The following EML5 variants were observed in gnomAD, a reference collection of about 807,000 sequenced individuals.
EML5 encodes the protein EMAP like 5, also known as echinoderm microtubule-associated protein-like 5.
A neutral mutation model predicts 250.0 loss-of-function variants in EML5; 120 were observed. That is an observed-to-expected ratio of 0.48 (90% CI 0.41 to 0.56). The LOEUF (loss-of-function observed/expected upper bound fraction) is 0.56, where lower values mean the gene tolerates loss of function less well. Ranked by LOEUF, EML5 falls within the 20% of genes least tolerant of loss-of-function variation. EML5 has a pLI of 0.00. For missense variants in EML5, 2,006 were observed against 2,437.6 expected, an observed-to-expected ratio of 0.82 and a Z score of 3.73; for synonymous variants, 771 against 806.5, an observed-to-expected ratio of 0.96 and a Z score of 0.75.
At chr14:88,726,406 TAAG>T (rs2093667166) in intron 8 of EML5, 132 bp downstream of exon 8, 2 of 534,026 alleles carry the variant, frequency 3.7e-6, no homozygotes, top group Non-Finnish European at 2.9e-6. Context: ...AATATATTAA[TAAG>T]AAGGGGAAGA....
rs2087087778 is a variant in EML5 at position 88,613,218 on chromosome 14, C to CTGT, written c.*2599_*2600insACA. 6.6e-6 allele frequency: 1 copy of CTGT among 152,168 alleles called. No individual in the cohort carries two copies. Among genetic ancestry groups the CTGT allele is most frequent in the Admixed American group, 6.5e-5 (1 of 15,276 alleles). 9.4% of individuals were successfully genotyped at this position (152,168 alleles called of 1,614,324 possible). A position where few individuals can be genotyped will look rare whatever the true frequency, so the allele number is the denominator to read the frequency against. ...CACGAGAAGCAGCAAAGACAGAGCA[C>CTGT]ACAAGTGCATAAGGCTGTTGTCTTC... On this transcript the variant is annotated 3_prime_UTR_variant, in exon 44 of 44. Coordinates refer to ENST00000554922, the MANE Select transcript of EML5 (RefSeq NM_183387.3).
intron 43 of EML5, 66 bp downstream of exon 43, chr14:88,616,076 G>A: frequency 1.3e-6 from 2 of 1,526,472 alleles, no homozygotes; most frequent in Non-Finnish European, 1.8e-6. Flanking sequence ...AGCTGTAGGA[G>A]TTGTTGTATT....
In EML5 at chr14:88,695,361, C is replaced by T. The variant is rs2093053440; in HGVS notation, c.2438G>A (p.Arg813Lys). Residue 813 changes from arginine (R) to lysine (K), a missense_variant and splice_region_variant, in exon 16 of 44, where the codon AGA (arginine) becomes AAA (lysine). Physicochemically the swap from Arg to Lys is conservative, Grantham distance 26. Transcript: ENST00000554922. ...ATGTGATATCAAGTTTTTTTCCTAC[C>T]TTGCTATTGAAAGTTTCTCTCCTTT... is the stretch of plus-strand genomic sequence containing the variant. ...WKKGEKLSIA[R>K]GSKDKIFVVK... 2.5e-6 allele frequency: 4 copies of T among 1,604,942 alleles called. No homozygotes were observed. The highest frequency in any genetic ancestry group is 2.6e-6 in the Non-Finnish European group (3 of 1,176,328).
intron 31 of EML5, among the ~76,000 whole-genome samples, chr14:88,642,178 T>C (rs2091100586): frequency 6.6e-6 from 1 of 152,192 alleles, no homozygotes; most frequent in African/African-American, 2.4e-5. Flanking sequence ...CAGAATGAAC[T>C]AGATAACCTT....
chr14:88,682,655 A>G (rs1829919213), intron 20 of EML5, among the ~76,000 whole-genome samples: 1 of 152,082 alleles, frequency 6.6e-6, no homozygotes, highest in South Asian at 2.1e-4. Flanking sequence ...CTTTCCAGGT[A>G]GGGCAGGATG....
intron 28 of EML5, among the ~76,000 whole-genome samples, chr14:88,647,434 C>T (rs181347674): frequency 9.2e-5 from 14 of 151,712 alleles, no homozygotes; most frequent in Non-Finnish European, 1.5e-4. Context: ...CAGTGGCTCA[C>T]ACCTGTAATC....
intron 33 of EML5, among the ~76,000 whole-genome samples, chr14:88,632,940 A>C (rs931021766): frequency 2.0e-5 from 3 of 152,174 alleles, no homozygotes; most frequent in African/African-American, 7.2e-5. Context: ...CCCTGGCATG[A>C]GGGTGTTGGA....
chr14:88,641,969 A>G (rs1333710683), intron 31 of EML5, among the ~76,000 whole-genome samples: 1 of 152,182 alleles, frequency 6.6e-6, no homozygotes, highest in African/African-American at 2.4e-5. Flanking sequence ...TTTCTCTCTA[A>G]TCAGTATGTT....
chr14:88,618,783 A>G lies in EML5; in HGVS notation c.5405T>C (p.Val1802Ala). ...RFSPDSRYLA[V>A]GSSENSVDFY... ...ATCCACTGAGTTCTCACTAGAACCT[A>G]CTGCCAGATACCGGGAATCCGGACT... Residue 1802 changes from valine (V) to alanine (A), a missense_variant, in exon 40 of 44, where the codon GTA becomes GCA. This residue lies in a region of EML5 where 405 missense variants were observed against 523.3 expected (regional missense o/e 0.77). Transcript: ENST00000554922. 6.3e-7 allele frequency: 1 copy of G among 1,595,826 alleles called. No individual in the cohort carries two copies. The highest frequency in any genetic ancestry group is 8.5e-7 in the Non-Finnish European group (1 of 1,169,884).
At position 88,706,382 on chromosome 14, in the gene EML5, T is replaced by A. The variant is rs1194599766; in HGVS notation, c.1702A>T (p.Asn568Tyr). Reference sequence around the variant, plus strand: ...TGATAATCATGTGACCATCTGACATTAGTTACGTGAGCTGAATGGCCAATA... The same window carrying A: ...TGATAATCATGTGACCATCTGACATAAGTTACGTGAGCTGAATGGCCAATA... ...KYIGHSAHVT[N>Y]VRWSHDYQWV... Residue 568 changes from asparagine to tyrosine, a missense_variant, in exon 11 of 44, where the codon AAT (asparagine) becomes TAT (tyrosine). Around this residue, in one of 7 missense-constraint regions of EML5, gnomAD observed 1,375 missense variants for 1,590.3 expected, o/e 0.86. Transcript: ENST00000554922. The A allele has an allele frequency of 6.2e-7, 1 of 1,607,392 alleles. No individual in the cohort carries two copies. The highest frequency in any genetic ancestry group is 1.1e-5 in the South Asian group (1 of 89,370).
At chr14:88,785,310 CAT>C (rs2094540699) in intron 1 of EML5, among the ~76,000 whole-genome samples, 1 of 152,056 alleles carries the variant, frequency 6.6e-6, no homozygotes, top group Non-Finnish European at 1.5e-5. Flanking sequence ...TTTAATTGTA[CAT>C]TTTAGAATAA....
At position 88,635,712 on chromosome 14, in the gene EML5, G is replaced by A. The variant is rs945763638; in HGVS notation, c.4337-1223C>T. Among the ~76,000 whole-genome samples, 4 of 152,240 alleles carry A rather than the reference G, an allele frequency of 2.6e-5. No homozygotes were observed. The East Asian group carries it at 7.7e-4, about 29-fold the overall frequency. On this transcript the variant is annotated intron_variant, in intron 32 of 43. Transcript: ENST00000554922. ...TCCCACACCACAAAGAACCATGGAA[G>A]CTCATGTGTGGTGCTATGAACTGGA... is the stretch of plus-strand genomic sequence containing the variant.
At chr14:88,628,192 AAT>A (rs1468088704) in intron 33 of EML5, among the ~76,000 whole-genome samples, 37 of 152,174 alleles carry the variant, frequency 2.4e-4, no homozygotes, top group Non-Finnish European at 4.1e-4. Context: ...TTAAACAATA[AAT>A]ATTAAACACC....
At chr14:88,704,509 AAG>A (rs377450270) in intron 13 of EML5, among the ~76,000 whole-genome samples, 3 of 152,192 alleles carry the variant, frequency 2.0e-5, no homozygotes, top group African/African-American at 7.2e-5. Flanking sequence ...GACAGAAAAA[AAG>A]AGACACAGAG....
chr14:88,709,750 T>C (rs2093373844), intron 10 of EML5, among the ~76,000 whole-genome samples: 1 of 152,186 alleles, frequency 6.6e-6, no homozygotes, highest in South Asian at 2.1e-4. Flanking sequence ...TATCAAAAGA[T>C]GGGAAATGAC....
At position 88,638,855 on chromosome 14, in the gene EML5, T is replaced by C. The variant is rs1191598420; in HGVS notation, c.4290A>G (p.Val1430=). ...TGTTGATAAATTTGGGGTGCTGGTT[T>C]ACTGTGAGGCACAGAATATCATCAT... ...EHNDDILCLT[V]NQHPKFINIV... is the part of the protein sequence containing the mutation. Residue 1430 remains valine (V), a synonymous_variant, in exon 32 of 44, where the codon GTA becomes GTG. Transcript: ENST00000554922. 6.3e-7 allele frequency: 1 copy of C among 1,599,454 alleles called. No individual in the cohort carries two copies. The highest frequency in any genetic ancestry group is 8.5e-7 in the Non-Finnish European group (1 of 1,172,532).
At chr14:88,631,566 C>T (rs11844824) in intron 33 of EML5, among the ~76,000 whole-genome samples, 1 of 152,104 alleles carries the variant, frequency 6.6e-6, no homozygotes, top group Admixed American at 6.5e-5. Flanking sequence ...GTCAGGAGTT[C>T]GAGACCAGCC....
At chr14:88,644,532 G>A in intron 29 of EML5, 21 bp from the exon 30 acceptor site, 7 of 1,612,030 alleles carry the variant, frequency 4.3e-6, no homozygotes, top group South Asian at 1.1e-5. Flanking sequence ...GAAGTGGGGA[G>A]GAGGAAAGGC....
At chr14:88,696,079 C>A (rs2093071235) in intron 15 of EML5, among the ~76,000 whole-genome samples, 1 of 151,818 alleles carries the variant, frequency 6.6e-6, no homozygotes, top group Non-Finnish European at 1.5e-5. Flanking sequence ...TCAATTAGTT[C>A]CTCACTGCTC....
Sources: allele counts gnomAD v4.1 joint callset (sites outside exome capture counted in the v4.1 genomes callset), GRCh38; gene constraint gnomAD v4.1.1; regional missense constraint gnomAD v4.1.1; transcripts MANE v1.5; gene names NCBI Gene and HGNC (gene_info 2026-07-23, HGNC 2026-07-21).